KIAA1217: variants seen among roughly 807,000 people sequenced by gnomAD.
The protein encoded by KIAA1217 is sickle tail protein homolog.
A neutral mutation model predicts 163.9 loss-of-function variants in KIAA1217; 88 were observed. That is an observed-to-expected ratio of 0.54 (90% CI 0.45 to 0.64). The LOEUF (loss-of-function observed/expected upper bound fraction) is 0.64, where lower values mean the gene tolerates loss of function less well. Ranked by LOEUF, KIAA1217 falls within the 30% of genes least tolerant of loss-of-function variation. The pLI is 0.00. For synonymous variants in KIAA1217, 903 were observed against 923.1 expected, an observed-to-expected ratio of 0.98 and a Z score of 0.39; for missense variants, 2,372 against 2,475.0, an observed-to-expected ratio of 0.96 and a Z score of 0.88.
rs776533939 is a variant in KIAA1217, at chr10:24,544,135, G to A, written c.4865G>A (p.Arg1622His). 23 of 1,613,992 alleles carry A rather than the reference G, an allele frequency of 1.4e-5. No individual in the cohort carries two copies. The highest frequency in any genetic ancestry group is 4.5e-5 in the East Asian group (2 of 44,876). ...CTGAAACAGCACAAAGAAGCCAAGC[G>A]CTTCGAAATCGCTAGGTCTCAACCT... is the stretch of plus-strand genomic sequence containing the variant. The part of the protein sequence containing the change: ...GTLKQHKEAK[R>H]FEIARSQPED... Residue 1622 changes from arginine to histidine, a missense_variant, in exon 19 of 21, where the codon CGC becomes CAC. By Grantham distance (29) the Arg-to-His change is conservative. This residue lies in a region of KIAA1217 where 690 missense variants were observed against 677.5 expected (regional missense o/e 1.02). Transcript: ENST00000376454.
At chr10:24,003,767 G>A (rs1170352335) in intron 1 of KIAA1217, among the ~76,000 whole-genome samples, 2 of 152,176 alleles carry the variant, frequency 1.3e-5, no homozygotes, top group Non-Finnish European at 2.9e-5. Context: ...TACTACTGTA[G>A]TAATTTGCAG....
At chr10:24,152,726 TAA>T (rs34022726) in intron 2 of KIAA1217, among the ~76,000 whole-genome samples, 45 of 144,788 alleles carry the variant, frequency 3.1e-4, no homozygotes, top group African/African-American at 6.1e-4. Flanking sequence ...TCTATTCCCT[TAA>T]AAAAAAAAAA....
chr10:24,337,577 G>A (rs1401606517), intron 2 of KIAA1217, among the ~76,000 whole-genome samples: 1 of 149,424 alleles, frequency 6.7e-6, no homozygotes, highest in Admixed American at 6.7e-5. Flanking sequence ...CTTTGTTTTT[G>A]TTTTGTGTGG....
At chr10:24,507,099 T>C (rs2068471887) in intron 9 of KIAA1217, among the ~76,000 whole-genome samples, 1 of 152,216 alleles carries the variant, frequency 6.6e-6, no homozygotes, top group South Asian at 2.1e-4. Flanking sequence ...GGACTGTGCC[T>C]CAGTCTTAGG....
chr10:23,960,922 C>T (rs1844793360), intron 1 of KIAA1217, among the ~76,000 whole-genome samples: 1 of 152,080 alleles, frequency 6.6e-6, no homozygotes, highest in Non-Finnish European at 1.5e-5. Context: ...TATTGCTAGC[C>T]TTCAGATATC....
rs191787273 is a variant in KIAA1217, at chr10:23,827,900, G to T, written c.-321+132666G>T. ...CCCTGGGGGGAGGTGGCCTCTAGGT[G>T]GTCTTAAAGGATGACTGTTTGCCCA... On this transcript the variant is annotated intron_variant, in intron 1 of 18. Coordinates refer to the KIAA1217 transcript ENST00000376462. Among the ~76,000 whole-genome samples, 16 of 152,266 alleles carry T rather than the reference G, an allele frequency of 1.1e-4. No homozygotes were observed. In the East Asian group the frequency reaches 1.9e-3, roughly 18 times the overall value.
At chr10:24,443,366 GC>G (rs1246807645) in intron 5 of KIAA1217, among the ~76,000 whole-genome samples, 1 of 152,186 alleles carries the variant, frequency 6.6e-6, no homozygotes, top group African/African-American at 2.4e-5. Context: ...CACCGTGGCT[GC>G]TGAAATTATA....
At chr10:24,088,774 T>C (rs1454635717) in intron 2 of KIAA1217, among the ~76,000 whole-genome samples, 1 of 124,542 alleles carries the variant, frequency 8.0e-6, no homozygotes, top group African/African-American at 2.5e-5. Flanking sequence ...TGTGTCTTTA[T>C]AGCAGCATGA....
chr10:24,468,575 T>G (rs2063181555), intron 5 of KIAA1217, among the ~76,000 whole-genome samples: 1 of 152,168 alleles, frequency 6.6e-6, no homozygotes, highest in Non-Finnish European at 1.5e-5. Context: ...TAACTCAGAT[T>G]GATGGTGACT....
rs568794471 is a variant in KIAA1217 at position 24,397,793 on chromosome 10, A to C, written c.553+16726A>C. On this transcript the variant is annotated intron_variant, in intron 3 of 20. Transcript: ENST00000376454. ...ACAGAGGTGTATTTCTCTCTACAGC[A>C]GTTATTCCATCCTATCCAGTGCCAT... Among the ~76,000 whole-genome samples the C allele has an allele frequency of 2.0e-5, 3 of 152,320 alleles. No homozygotes were observed. The South Asian group carries it at 6.2e-4, about 32-fold the overall frequency.
At chr10:24,488,506 A>G (rs939102754) in intron 6 of KIAA1217, among the ~76,000 whole-genome samples, 3 of 152,170 alleles carry the variant, frequency 2.0e-5, no homozygotes, top group Admixed American at 1.3e-4. Flanking sequence ...TGCCCACTAC[A>G]CCAGTGTCTC....
chr10:24,507,073 T>A lies in KIAA1217; in HGVS notation c.2001+5528T>A, dbSNP rs113780807. ...GGCCTTGTTGAGCACCTGGGCATTT[T>A]GTAGAGATCGGAGAAGGACTGTGCC... is the stretch of plus-strand genomic sequence containing the variant. On this transcript the variant is annotated intron_variant, in intron 9 of 20. Transcript: ENST00000376454. 4.0e-3 allele frequency among the ~76,000 whole-genome samples: 604 copies of A among 152,310 alleles called. 4 individuals are homozygous for A. Among genetic ancestry groups the A allele is most frequent in the African/African-American group, 0.014 (580 of 41,564 alleles).
intron 1 of KIAA1217, among the ~76,000 whole-genome samples, chr10:23,881,479 G>A (rs1469868398): frequency 1.3e-5 from 2 of 151,888 alleles, no homozygotes; most frequent in Non-Finnish European, 2.9e-5. Flanking sequence ...ATGACAAGCA[G>A]CAAAATGTAT....
Position 24,511,152 on chromosome 10 carries a change from C to CAAAAAAAAAAAAA in KIAA1217, c.2002-2098_2002-2086dup, listed in dbSNP as rs58529942. ...TGGGCAACAGAGTGAGACTCTGTCT[C>CAAAAAAAAAAAAA]AAAAAAAAAAAAAAAAAAAAAGGAG... On this transcript the variant is annotated intron_variant, in intron 9 of 20. Coordinates refer to ENST00000376454, the MANE Select transcript of KIAA1217 (RefSeq NM_019590.5). 9.0e-4 allele frequency among the ~76,000 whole-genome samples: 31 copies of CAAAAAAAAAAAAA among 34,504 alleles called. 3 individuals are homozygous for CAAAAAAAAAAAAA. Among genetic ancestry groups the CAAAAAAAAAAAAA allele is most frequent in the Admixed American group, 3.4e-3 (7 of 2,066 alleles). The allele number at this position is 34,504 out of a possible 152,430, so 22.6% of individuals were successfully genotyped here. A position where few individuals can be genotyped will look rare whatever the true frequency, so the allele number is the denominator to read the frequency against.
chr10:24,469,353 G>A (rs2063259989), intron 5 of KIAA1217, among the ~76,000 whole-genome samples: 2 of 151,870 alleles, frequency 1.3e-5, no homozygotes, highest in South Asian at 4.2e-4. Context: ...TCAAACTCCT[G>A]GCCTCAAGTG....
chr10:24,174,813 C>T lies in KIAA1217; in HGVS notation c.-170-44813C>T, dbSNP rs11013934. Among the ~76,000 whole-genome samples the T allele has an allele frequency of 3.0e-3, 462 of 152,200 alleles. 1 individual carries two copies. The highest frequency in any genetic ancestry group is 0.011 in the African/African-American group (437 of 41,522). On this transcript the variant is annotated intron_variant, in intron 2 of 18. Coordinates refer to the KIAA1217 transcript ENST00000376462. ...GTGATTTGTGATATTTTGGTGCACC[C>T]ATCACTGGAACAGTGTATAGTATAC...
chr10:23,845,720 G>A (rs1838993687), intron 1 of KIAA1217, among the ~76,000 whole-genome samples: 1 of 152,038 alleles, frequency 6.6e-6, no homozygotes, highest in Admixed American at 6.6e-5. Flanking sequence ...TTTGCATGTG[G>A]AAGAAAGCTC....
In KIAA1217 at chr10:24,527,968, A is replaced by G; in HGVS notation, c.2931A>G (p.Gln977=). The change falls in exon 14 of 21, where the codon CAA becomes CAG. Residue 977 remains glutamine, a synonymous_variant. Transcript: ENST00000376454. ...AAAAGAAATGGGAGGAAAAAAGGCA[A>G]AATCTGGATCACTATAATGGGAAAG... is the stretch of plus-strand genomic sequence containing the variant. ...KAEKKWEEKR[Q]NLDHYNGKEF... is the part of the protein sequence containing the mutation. The G allele has an allele frequency of 1.9e-6, 3 of 1,614,116 alleles. No individual in the cohort carries two copies. The highest frequency in any genetic ancestry group is 2.5e-6 in the Non-Finnish European group (3 of 1,180,020).
intron 3 of KIAA1217, among the ~76,000 whole-genome samples, chr10:24,432,231 C>CCTCAGCCT (rs2059660276): frequency 6.6e-6 from 1 of 150,756 alleles, no homozygotes; most frequent in African/African-American, 2.4e-5. Context: ...AACTCTCTTG[C>CCTCAGCCT]CTCAGCCTCC....
Sources: gnomAD v4.1 joint callset for allele counts (sites outside exome capture counted in the v4.1 genomes callset) on GRCh38, gnomAD v4.1.1 for gene constraint, gnomAD v4.1.1 regional missense constraint, MANE v1.5 for transcripts, NCBI Gene and HGNC (gene_info 2026-07-23, HGNC 2026-07-21) for gene names.